The following ATAD2B variants were observed in gnomAD, a reference collection of about 807,000 sequenced individuals.
ATAD2B encodes the protein ATPase family AAA domain-containing protein 2B.
Under a neutral mutation model 167.6 loss-of-function variants are expected in ATAD2B, and 40 were observed. That is an observed-to-expected ratio of 0.24 (90% CI 0.19 to 0.31). The LOEUF is 0.31. Ranked by LOEUF, ATAD2B falls within the 10% of genes least tolerant of loss-of-function variation. The pLI is 1.00. For synonymous variants in ATAD2B, 579 were observed against 596.5 expected (o/e 0.97, Z 0.43); for missense variants, 1,242 against 1,757.2 (o/e 0.71, Z 5.24).
At chr2:23,725,154 G>C in the ATAD2B span, among the ~76,000 whole-genome samples, 2 of 151,564 alleles carry the variant, frequency 1.3e-5, no homozygotes, top group African/African-American at 2.4e-5. Context: ...AGAAGGCCAT[G>C]AAATAACATT....
chr2:23,791,029 CT>C (rs1276303544), intron 19 of ATAD2B, among the ~76,000 whole-genome samples: 1 of 152,182 alleles, frequency 6.6e-6, no homozygotes, highest in Non-Finnish European at 1.5e-5. Flanking sequence ...AGAATTGCCT[CT>C]TCTAGACATT....
intron 23 of ATAD2B, among the ~76,000 whole-genome samples, chr2:23,763,317 G>T (rs1467128456): frequency 6.6e-6 from 1 of 151,990 alleles, no homozygotes; most frequent in Non-Finnish European, 1.5e-5. Flanking sequence ...TAAAACCCTG[G>T]ACTACTCCAA....
At chr2:23,731,980 G>A in the ATAD2B span, among the ~76,000 whole-genome samples, 1 of 105,016 alleles carries the variant, frequency 9.5e-6, no homozygotes, top group African/African-American at 2.9e-5. Context: ...GTCTCCTAGG[G>A]GGCAAAAAAA....
At chr2:23,742,614 T>C in the ATAD2B span, among the ~76,000 whole-genome samples, 1,072 of 149,784 alleles carry the variant, frequency 7.2e-3, 8 homozygotes, top group African/African-American at 0.025. Context: ...AAATGACGAG[T>C]TAATGGGTGC....
At chr2:23,786,262 G>A (rs552185578) in intron 20 of ATAD2B, 39 bp from the exon 21 acceptor site, 21 of 1,486,970 alleles carry the variant, frequency 1.4e-5, no homozygotes, top group African/African-American at 8.5e-5. Context: ...TTCCAACGTC[G>A]TGGGCCAGGA....
chr2:23,911,145 C>T (rs13028272), intron 1 of ATAD2B, among the ~76,000 whole-genome samples: 61,468 of 150,642 alleles, frequency 0.41, 13,590 homozygotes, highest in East Asian at 0.77. Flanking sequence ...TGCTTGAACC[C>T]AGGGGGCAGA....
intron 23 of ATAD2B, among the ~76,000 whole-genome samples, chr2:23,764,533 T>C (rs1325223810): frequency 6.6e-6 from 1 of 152,182 alleles, no homozygotes; most frequent in African/African-American, 2.4e-5. Flanking sequence ...AAACCTGTTT[T>C]ATACCAGATG....
chr2:23,728,177 G>A, the ATAD2B span, among the ~76,000 whole-genome samples: 1 of 152,038 alleles, frequency 6.6e-6, no homozygotes, highest in Non-Finnish European at 1.5e-5. Flanking sequence ...AGATGTAAGG[G>A]AAATTTCAGT....
chr2:23,826,173 A>T (rs1688222622), intron 15 of ATAD2B, among the ~76,000 whole-genome samples: 1 of 152,170 alleles, frequency 6.6e-6, no homozygotes, highest in Admixed American at 6.5e-5. Flanking sequence ...TCATATGTGC[A>T]TTTCAAGAAA....
At chr2:23,770,815 C>G (rs1678214872) in intron 22 of ATAD2B, among the ~76,000 whole-genome samples, 1 of 152,152 alleles carries the variant, frequency 6.6e-6, no homozygotes, top group Non-Finnish European at 1.5e-5. Context: ...TGTTTTGACT[C>G]TAGGTCCTTT....
At chr2:23,767,128 A>G (rs1255621367) in intron 22 of ATAD2B, among the ~76,000 whole-genome samples, 6 of 152,006 alleles carry the variant, frequency 3.9e-5, no homozygotes, top group Admixed American at 2.0e-4. Context: ...ACCTTTTTCG[A>G]TTACCTGCTC....
chr2:23,753,221 A>C (rs1675559820), intron 27 of ATAD2B, among the ~76,000 whole-genome samples: 1 of 152,206 alleles, frequency 6.6e-6, no homozygotes, highest in African/African-American at 2.4e-5. Flanking sequence ...CACTCCTGCT[A>C]AATGTTTTAT....
intron 14 of ATAD2B, among the ~76,000 whole-genome samples, chr2:23,831,095 T>G (rs1688985843): frequency 6.6e-6 from 1 of 152,070 alleles, no homozygotes; most frequent in South Asian, 2.1e-4. Context: ...TCAAGAACTG[T>G]TCATTATGTA....
chr2:23,813,528 T>A (rs555550197), intron 17 of ATAD2B, among the ~76,000 whole-genome samples: 1 of 150,730 alleles, frequency 6.6e-6, no homozygotes, highest in East Asian at 2.0e-4. Flanking sequence ...TGAGCCCAAG[T>A]GTTCTGAGAC....
At chr2:23,823,592 T>C (rs541596490) in intron 15 of ATAD2B, 23 bp from the exon 16 acceptor site, 47 of 1,594,778 alleles carry the variant, frequency 2.9e-5, no homozygotes, top group Admixed American at 5.0e-5. Flanking sequence ...AGGAGAAGGA[T>C]AGCAAAGGTA....
At chr2:23,876,503 T>C (rs1022224181) in intron 7 of ATAD2B, among the ~76,000 whole-genome samples, 1 of 151,960 alleles carries the variant, frequency 6.6e-6, no homozygotes, top group Non-Finnish European at 1.5e-5. Flanking sequence ...GGTTTCACCA[T>C]GTGGGCTAGG....
the ATAD2B span, among the ~76,000 whole-genome samples, chr2:23,686,433 C>T: frequency 2.0e-5 from 3 of 152,070 alleles, no homozygotes; most frequent in East Asian, 3.9e-4. Flanking sequence ...TCCTCTCCTG[C>T]GCCCTGGGCT....
intron 13 of ATAD2B, among the ~76,000 whole-genome samples, chr2:23,835,913 G>A (rs1689864970): frequency 6.6e-6 from 1 of 151,472 alleles, no homozygotes; most frequent in Non-Finnish European, 1.5e-5. Flanking sequence ...TCCAGACTGG[G>A]TGACAAGAGC....
chr2:23,906,534 G>A (rs1321317620), intron 1 of ATAD2B, among the ~76,000 whole-genome samples: 1 of 152,108 alleles, frequency 6.6e-6, no homozygotes, highest in Non-Finnish European at 1.5e-5. Flanking sequence ...GTGCAGAGCT[G>A]AGTTCAATTC....
Sources: allele counts gnomAD v4.1 joint callset (sites outside exome capture counted in the v4.1 genomes callset), GRCh38; gene constraint gnomAD v4.1.1; transcripts MANE v1.5; gene names NCBI Gene and HGNC (gene_info 2026-07-23, HGNC 2026-07-21).